The following CRYBA4 variants were observed in gnomAD, a reference collection of about 807,000 sequenced individuals.
CRYBA4 encodes crystallin beta A4, also known as beta-crystallin A4.
A neutral mutation model predicts 31.7 loss-of-function variants in CRYBA4; 30 were observed. The ratio of observed to expected loss-of-function variants is 0.95; its 90% CI spans 0.71 to 1.28. The LOEUF (loss-of-function observed/expected upper bound fraction) is 1.28. Ranked by LOEUF, CRYBA4 falls within the 50% of genes most tolerant of loss-of-function variation. CRYBA4 has a pLI of 0.00. For missense variants in CRYBA4, 225 were observed against 260.7 expected (o/e 0.86, Z 0.94); for synonymous variants, 102 against 102.3 (o/e 1.00, Z 0.02).
At chr22:26,599,662 T>C in the CRYBA4 span, 1 of 1,614,044 alleles carries the variant, frequency 6.2e-7, no homozygotes, top group Non-Finnish European at 8.5e-7. Flanking sequence ...AGGATACTGA[T>C]AGCCAACCCA....
chr22:26,601,896 C>T, the CRYBA4 span: 1 of 1,612,224 alleles, frequency 6.2e-7, no homozygotes, highest in Non-Finnish European at 8.5e-7. Context: ...TGGAGACCTT[C>T]ACGCTGCCCA....
At chr22:26,595,845 T>A in the CRYBA4 span, among the ~76,000 whole-genome samples, 1 of 151,594 alleles carries the variant, frequency 6.6e-6, no homozygotes, top group South Asian at 2.1e-4. Flanking sequence ...CATTCATAGC[T>A]TACTGCTGCC....
chr22:26,611,193 AC>A, the CRYBA4 span, among the ~76,000 whole-genome samples: 1 of 152,152 alleles, frequency 6.6e-6, no homozygotes, highest in South Asian at 2.1e-4. Context: ...TGTGCCACTT[AC>A]CAATAGGTGA....
At position 26,630,387 on chromosome 22, in the gene CRYBA4, T is replaced by G; in HGVS notation, c.491T>G (p.Leu164Arg). ...GGCTACCGAGGATTTCAGTATGTGC[T>G]GGAATGCGATCACCATTCCGGTGAC... ...FPGYRGFQYV[L>R]ECDHHSGDYK... Residue 164 changes from leucine (L) to arginine (R), a missense_variant, in exon 6 of 6, where the codon CTG becomes CGG. Coordinates refer to ENST00000354760, the MANE Select transcript of CRYBA4 (RefSeq NM_001886.3). 1 of 1,614,246 alleles carries G rather than the reference T, an allele frequency of 6.2e-7. No homozygotes were observed. The highest frequency in any genetic ancestry group is 8.5e-7 in the Non-Finnish European group (1 of 1,180,032).
chr22:26,592,739 T>A, the CRYBA4 span, among the ~76,000 whole-genome samples: 1 of 152,198 alleles, frequency 6.6e-6, no homozygotes, highest in East Asian at 1.9e-4. Flanking sequence ...GGAGCCTGAC[T>A]TTCTGCAAAG....
chr22:26,627,576 TTTTC>T (rs1205951010), intron 4 of CRYBA4, among the ~76,000 whole-genome samples: 13 of 147,588 alleles, frequency 8.8e-5, no homozygotes, highest in East Asian at 2.0e-4. Context: ...CTGTCTTTCT[TTTTC>T]TTTCTTTTTC....
chr22:26,599,715 T>G, the CRYBA4 span: 1 of 1,540,872 alleles, frequency 6.5e-7, no homozygotes, highest in Non-Finnish European at 9.0e-7. Flanking sequence ...ACAGCCTGTC[T>G]CGTTGCCTGG....
the CRYBA4 span, among the ~76,000 whole-genome samples, chr22:26,602,251 C>T: frequency 6.6e-6 from 1 of 151,986 alleles, no homozygotes; most frequent in Non-Finnish European, 1.5e-5. Context: ...CCATATAGAG[C>T]ACTGAGCACG....
At chr22:26,620,855 G>A (rs571779508), upstream of CRYBA4, among the ~76,000 whole-genome samples, 86 of 152,180 alleles carry the variant, frequency 5.7e-4, no homozygotes, top group African/African-American at 1.9e-3. Context: ...GAGCCATTGC[G>A]CCCAGCCTAA....
the CRYBA4 span, among the ~76,000 whole-genome samples, chr22:26,590,332 C>T: frequency 1.3e-5 from 2 of 152,116 alleles, no homozygotes; most frequent in African/African-American, 4.8e-5. Context: ...CGCTGGCTTA[C>T]CCCTAGGACG....
At chr22:26,612,448 C>T in the CRYBA4 span, among the ~76,000 whole-genome samples, 28 of 152,196 alleles carry the variant, frequency 1.8e-4, no homozygotes, top group African/African-American at 1.2e-4. Context: ...CTGCAACCTC[C>T]GCCTCCCAGG....
intron 4 of CRYBA4, among the ~76,000 whole-genome samples, chr22:26,627,416 CTTTCT>C (rs1929759585): frequency 1.3e-5 from 1 of 78,314 alleles, no homozygotes; most frequent in Non-Finnish European, 2.1e-5. Flanking sequence ...TTCTTTCTTT[CTTTCT>C]TTCTTTTTCT....
upstream of CRYBA4, among the ~76,000 whole-genome samples, chr22:26,621,070 A>G (rs1292125728): frequency 6.6e-6 from 1 of 152,192 alleles, no homozygotes; most frequent in Non-Finnish European, 1.5e-5. Flanking sequence ...ACAAGTATGT[A>G]TGTATGAGGG....
the CRYBA4 span, among the ~76,000 whole-genome samples, chr22:26,597,709 G>A: frequency 3.3e-4 from 51 of 152,264 alleles, no homozygotes; most frequent in Middle Eastern, 3.4e-3. Flanking sequence ...AATAGTGTCT[G>A]GCACAGATTT....
chr22:26,630,202 G>C lies in CRYBA4; in HGVS notation c.444-138G>C, dbSNP rs932668212. Reference sequence around the variant, plus strand: ...ATCAAAGGCCCTGTGGTAGGGGAGAGAGCATGGCACATTGTGAGCACTGAA... The same window carrying C: ...ATCAAAGGCCCTGTGGTAGGGGAGACAGCATGGCACATTGTGAGCACTGAA... On this transcript the variant is annotated intron_variant, in intron 5 of 5. Transcript: ENST00000354760. 7 of 1,077,616 alleles carry C rather than the reference G, an allele frequency of 6.5e-6. No homozygotes were observed. In the East Asian group the frequency reaches 1.8e-4, roughly 27 times the overall value. The allele number at this position is 1,077,616 out of a possible 1,614,324, so 66.8% of individuals were successfully genotyped here. A position where few individuals can be genotyped will look rare whatever the true frequency, so the allele number is the denominator to read the frequency against.
At chr22:26,607,269 A>G in the CRYBA4 span, among the ~76,000 whole-genome samples, 5 of 151,620 alleles carry the variant, frequency 3.3e-5, no homozygotes, top group African/African-American at 1.2e-4. Context: ...GTAACCACCC[A>G]CCTCAGCCTC....
chr22:26,629,957 A>G (rs1929872235), intron 5 of CRYBA4, among the ~76,000 whole-genome samples: 1 of 152,136 alleles, frequency 6.6e-6, no homozygotes, highest in African/African-American at 2.4e-5. Flanking sequence ...ACGTTCCTAC[A>G]CTCAGGAGCT....
the CRYBA4 span, among the ~76,000 whole-genome samples, chr22:26,606,799 C>T: frequency 1.3e-5 from 2 of 152,276 alleles, no homozygotes; most frequent in African/African-American, 2.4e-5. Context: ...AGACAAAAGT[C>T]GGTTACCATC....
the CRYBA4 span, among the ~76,000 whole-genome samples, chr22:26,592,337 C>A: frequency 6.6e-6 from 1 of 152,196 alleles, no homozygotes; most frequent in African/African-American, 2.4e-5. Context: ...AACAGGGGGA[C>A]AAAGGTCCAA....
Sources: allele counts gnomAD v4.1 joint callset (sites outside exome capture counted in the v4.1 genomes callset), GRCh38; gene constraint gnomAD v4.1.1; transcripts MANE v1.5; gene names NCBI Gene and HGNC (gene_info 2026-07-23, HGNC 2026-07-21).